PTCH2: variants seen among roughly 807,000 people sequenced by gnomAD.
The protein encoded by PTCH2 is protein patched homolog 2.
A neutral mutation model predicts 117.9 loss-of-function variants in PTCH2; 96 were observed. That is an observed-to-expected ratio of 0.81 (90% CI 0.69 to 0.96). PTCH2 has a LOEUF of 0.96. Ranked by LOEUF, PTCH2 falls within the 50% of genes least tolerant of loss-of-function variation. The pLI is 0.00. For synonymous variants in PTCH2, 615 were observed against 660.9 expected, an observed-to-expected ratio of 0.93 and a Z score of 1.06; for missense variants, 1,379 against 1,562.5, an observed-to-expected ratio of 0.88 and a Z score of 1.98.
Position 44,823,902 on chromosome 1 carries a change from C to T in PTCH2, c.3115-517G>A, listed in dbSNP as rs1461064003. ...GCAGTGAACCGAGATTGCACTGCTA[C>T]ACTCCAGCCTGGGCGACAGAGTGAG... On this transcript the variant is annotated intron_variant, in intron 19 of 21. Transcript: ENST00000372192. The surrounding 1 kb of genome is among the most constrained non-coding windows in gnomAD (Gnocchi z 5.1). 6.6e-6 allele frequency among the ~76,000 whole-genome samples: 1 copy of T among 151,576 alleles called. No individual in the cohort carries two copies.
chr1:44,842,157 A>T, intron 1 of PTCH2, 118 bp from the exon 2 acceptor site: 1 of 972,202 alleles, frequency 1.0e-6, no homozygotes, highest in South Asian at 1.4e-5. Flanking sequence ...GATGTGGGAC[A>T]GGGAGCACCA....
In PTCH2 at chr1:44,823,293, T is replaced by A. The variant is rs778991251; in HGVS notation, c.3207A>T (p.Thr1069=). The A allele has an allele frequency of 1.2e-6, 2 of 1,613,996 alleles. No individual in the cohort carries two copies. The highest frequency in any genetic ancestry group is 1.7e-6 in the Non-Finnish European group (2 of 1,179,974). The change falls in exon 20 of 22, where the codon ACA becomes ACT. Residue 1069 remains threonine, a synonymous_variant. Coordinates refer to ENST00000372192, the MANE Select transcript of PTCH2 (RefSeq NM_003738.5). This position sits in a 1 kb window ranked among gnomAD's most constrained non-coding sequence, Gnocchi z 5.1. ...FAPVTDGAIS[T]LLGLLMLAGS... Reference sequence around the variant, plus strand: ...CAGCAAGCATGAGCAGACCCAGCAATGTGGAGATGGCCCCATCGGTCACGG... The same window carrying A: ...CAGCAAGCATGAGCAGACCCAGCAAAGTGGAGATGGCCCCATCGGTCACGG...
rs2148879100 is a variant in PTCH2, at chr1:44,830,865, TG to T, written c.795del (p.Asn266ThrfsTer14). 6.4e-7 allele frequency: 1 copy of T among 1,560,692 alleles called. No homozygotes were observed. Among genetic ancestry groups the T allele is most frequent in the Non-Finnish European group, 8.7e-7 (1 of 1,145,620 alleles). ...GAACCCACCTGCCTGCTGTGATGGT[TG>T]GGGGCACTAGGTGGGCAGTGGAGGT... ...PDDLHCPPSAPNHHSRQAPNV... is the reference protein window; with the variant it reads ...PDDLHCPPSAXNHHSRQAPNV... On this transcript the variant is annotated frameshift_variant, in exon 6 of 22. Transcript: ENST00000372192. LOFTEE classifies it high-confidence loss of function.
At position 44,823,411 on chromosome 1, in the gene PTCH2, C is replaced by T. The variant is rs113226089; in HGVS notation, c.3115-26G>A. ...CTAGGAAAACAGAGTGGTCCTGGAGCTGCTCCTCTGCCAGTCATGGCCAGC... is the reference window on the plus strand; with the variant it reads ...CTAGGAAAACAGAGTGGTCCTGGAGTTGCTCCTCTGCCAGTCATGGCCAGC... On this transcript the variant is annotated intron_variant, in intron 19 of 21. Coordinates refer to ENST00000372192, the MANE Select transcript of PTCH2 (RefSeq NM_003738.5). The surrounding 1 kb of genome is among the most constrained non-coding windows in gnomAD (Gnocchi z 5.1). 1 of 1,614,042 alleles carries T rather than the reference C, an allele frequency of 6.2e-7. No individual in the cohort carries two copies. The highest frequency in any genetic ancestry group is 1.7e-5 in the Admixed American group (1 of 60,018).
At chr1:44,842,661 C>G (rs954477335) in intron 1 of PTCH2, among the ~76,000 whole-genome samples, 200 bp downstream of exon 1, 8 of 152,220 alleles carry the variant, frequency 5.3e-5, no homozygotes, top group Admixed American at 5.2e-4. Context: ...CACAGACATT[C>G]ATTCTCACTG....
chr1:44,826,521 C>T lies in PTCH2; in HGVS notation c.2943G>A (p.Leu981=), dbSNP rs1399952496. 6.2e-7 allele frequency: 1 copy of T among 1,613,782 alleles called. No individual in the cohort carries two copies. The highest frequency in any genetic ancestry group is 8.5e-7 in the Non-Finnish European group (1 of 1,180,028). ...CAGCCGTCCAGGGGTTGAGGAGCAG[C>T]AGAGCACAGACGAGGAAAGTGCACA... ...LLVCTFLVCA[L]LLLNPWTAGL... The change falls in exon 18 of 22, where the codon CTG becomes CTA. Residue 981 remains leucine (L), a synonymous_variant. Transcript: ENST00000372192. This position sits in a 1 kb window ranked among gnomAD's most constrained non-coding sequence, Gnocchi z 5.1.
At chr1:44,824,576 C>A (rs1470463983) in intron 19 of PTCH2, among the ~76,000 whole-genome samples, 1 of 151,782 alleles carries the variant, frequency 6.6e-6, no homozygotes, top group African/African-American at 2.4e-5. Context: ...TGGCTCACTG[C>A]AGCCTCAAAC....
chr1:44,833,425 C>T (rs1340450625), intron 2 of PTCH2, among the ~76,000 whole-genome samples: 2 of 151,172 alleles, frequency 1.3e-5, no homozygotes, highest in African/African-American at 4.9e-5. Flanking sequence ...GTCATGTTTC[C>T]CAATCTCTTT....
rs11573553 is a variant in PTCH2 at position 44,838,493 on chromosome 1, G to A, written c.265+3354C>T. On this transcript the variant is annotated intron_variant, in intron 2 of 21. Transcript: ENST00000372192. ...TGACCTCAAGTGATCCACCCGCTTCGGCCTCCCAAAGTGCTAGGATTACAG... is the reference window on the plus strand; with the variant it reads ...TGACCTCAAGTGATCCACCCGCTTCAGCCTCCCAAAGTGCTAGGATTACAG... 3.8e-3 allele frequency among the ~76,000 whole-genome samples: 571 copies of A among 152,234 alleles called. 3 individuals carry two copies. The highest frequency in any genetic ancestry group is 0.013 in the African/African-American group (521 of 41,538).
rs1468635380 is a variant in PTCH2, at chr1:44,827,355, C to T, written c.2372-46G>A. The T allele has an allele frequency of 3.7e-6, 6 of 1,613,548 alleles. No individual in the cohort carries two copies. The Admixed American group carries it at 5.0e-5, about 13-fold the overall frequency. ...GTTCTATTAGCTGGTGGCCCCAGGG[C>T]GTTTCTCCCTGCAGCACCCCTCCCT... is the stretch of plus-strand genomic sequence containing the variant. On this transcript the variant is annotated intron_variant, in intron 15 of 21. Coordinates refer to ENST00000372192, the MANE Select transcript of PTCH2 (RefSeq NM_003738.5).
chr1:44,821,422 T>C (rs11573602), downstream of PTCH2, among the ~76,000 whole-genome samples: 357 of 152,324 alleles, frequency 2.3e-3, 2 homozygotes, highest in African/African-American at 8.2e-3. Flanking sequence ...GCCTTTGCCT[T>C]GGAGGTTGCT....
At chr1:44,841,234 T>C (rs1653936959) in intron 2 of PTCH2, among the ~76,000 whole-genome samples, 1 of 149,054 alleles carries the variant, frequency 6.7e-6, no homozygotes, top group Non-Finnish European at 1.5e-5. Flanking sequence ...CATTCTTCTT[T>C]TATGCTTCCT....
Position 44,832,063 on chromosome 1 carries a change from T to C in PTCH2, c.456-19A>G, listed in dbSNP as rs1333889397. ...CCAGGACCTGCAATAGCCAGGGGCA[T>C]AGGAGATCAGCAGAAGAAGGGGATT... On this transcript the variant is annotated intron_variant, in intron 3 of 21. Transcript: ENST00000372192. 1.1e-5 allele frequency: 18 copies of C among 1,612,338 alleles called. No individual in the cohort carries two copies. Among genetic ancestry groups the C allele is most frequent in the Non-Finnish European group, 5.9e-6 (7 of 1,178,696 alleles).
At position 44,831,531 on chromosome 1, in the gene PTCH2, G is replaced by C. The variant is rs1653444913; in HGVS notation, c.617+175C>G. On this transcript the variant is annotated intron_variant, in intron 5 of 21. Coordinates refer to ENST00000372192, the MANE Select transcript of PTCH2 (RefSeq NM_003738.5). This position sits in a 1 kb window ranked among gnomAD's most constrained non-coding sequence, Gnocchi z 4.3. ...AGTCAGGTCTTCCTTCCTTGAGAGG[G>C]AAAGAGAAGGAGGATGTGGAGAGAG... Among the ~76,000 whole-genome samples the C allele has an allele frequency of 6.6e-6, 1 of 152,218 alleles. No individual in the cohort carries two copies. Among genetic ancestry groups the C allele is most frequent in the Non-Finnish European group, 1.5e-5 (1 of 68,038 alleles).
rs1166557268 is a variant in PTCH2, at chr1:44,826,474, C to T, written c.2976+14G>A. ...GGGTGGGGTGTCTCTGTCCCCACTC[C>T]TGCAAGCACTCACTATGAGGCCAGC... is the stretch of plus-strand genomic sequence containing the variant. On this transcript the variant is annotated intron_variant, in intron 18 of 21. Coordinates refer to ENST00000372192, the MANE Select transcript of PTCH2 (RefSeq NM_003738.5). This position sits in a 1 kb window ranked among gnomAD's most constrained non-coding sequence, Gnocchi z 5.1. 4 of 1,613,816 alleles carry T rather than the reference C, an allele frequency of 2.5e-6. No homozygotes were observed. Among genetic ancestry groups the T allele is most frequent in the Middle Eastern group, 1.7e-4 (1 of 6,060 alleles).
intron 2 of PTCH2, among the ~76,000 whole-genome samples, chr1:44,836,294 T>C (rs1202813915): frequency 2.6e-5 from 4 of 152,220 alleles, no homozygotes; most frequent in African/African-American, 7.2e-5. Flanking sequence ...GGGAGGCTAC[T>C]AATACATTTT....
At position 44,830,885 on chromosome 1, in the gene PTCH2, TGGA is replaced by T. The variant is rs1173101594; in HGVS notation, c.773_775del (p.Leu258del). 2 of 1,572,266 alleles carry T rather than the reference TGGA, an allele frequency of 1.3e-6. No homozygotes were observed. Among genetic ancestry groups the T allele is most frequent in the Non-Finnish European group, 1.7e-6 (2 of 1,150,698 alleles). On this transcript the variant is annotated inframe_deletion, in exon 6 of 22. Transcript: ENST00000372192. ...ATGGTTGGGGGCACTAGGTGGGCAG[TGGA>T]GGTCATCAGGGTGCAGACAGGGCCG... is the stretch of plus-strand genomic sequence containing the variant.
Position 44,823,043 on chromosome 1 carries a change from A to C in PTCH2, c.3357+26T>G. ...ACCCCGTCCCTTGGGCTGGGAGTAG[A>C]GGGATGGTGCCGAGGGTGTGGTCAC... On this transcript the variant is annotated intron_variant, in intron 21 of 21. Transcript: ENST00000372192. The surrounding 1 kb of genome is among the most constrained non-coding windows in gnomAD (Gnocchi z 5.1). The C allele has an allele frequency of 6.2e-7, 1 of 1,605,394 alleles. No homozygotes were observed. Among genetic ancestry groups the C allele is most frequent in the Non-Finnish European group, 8.5e-7 (1 of 1,175,738 alleles).
chr1:44,821,582 G>T (rs970043807), downstream of PTCH2, among the ~76,000 whole-genome samples: 2 of 152,146 alleles, frequency 1.3e-5, no homozygotes, highest in Non-Finnish European at 2.9e-5. Flanking sequence ...CTGCCTTGCC[G>T]TTTCCCGTGC....
Sources: gnomAD v4.1 joint callset for allele counts (sites outside exome capture counted in the v4.1 genomes callset) on GRCh38, gnomAD v4.1.1 for gene constraint, Gnocchi (gnomAD v3.1) non-coding constraint, MANE v1.5 for transcripts, NCBI Gene and HGNC (gene_info 2026-07-23, HGNC 2026-07-21) for gene names.